NTM: variants seen among roughly 807,000 people sequenced by gnomAD.
NTM encodes the protein neurotrimin, also known as IgLON family member 2.
Under a neutral mutation model 42.1 loss-of-function variants are expected in NTM, and 13 were observed. That is an observed-to-expected ratio of 0.31 (90% CI 0.20 to 0.49). The LOEUF (loss-of-function observed/expected upper bound fraction) is 0.49. Ranked by LOEUF, NTM falls within the 20% of genes least tolerant of loss-of-function variation. The probability of loss-of-function intolerance (pLI) is 0.99; values close to 1 mark genes in which losing one functional copy is unlikely to be tolerated. For synonymous variants in NTM, 187 were observed against 179.2 expected, an observed-to-expected ratio of 1.04 and a Z score of -0.35; for missense variants, 373 against 452.8, an observed-to-expected ratio of 0.82 and a Z score of 1.60.
rs2093878453 is a variant in NTM, at chr11:132,279,444, G to T, written c.527-28245G>T. 2.0e-5 allele frequency among the ~76,000 whole-genome samples: 3 copies of T among 152,134 alleles called. No homozygotes were observed. The South Asian group carries it at 6.2e-4, about 32-fold the overall frequency. On this transcript the variant is annotated intron_variant, in intron 4 of 8. Coordinates refer to ENST00000683400, the MANE Select transcript of NTM (RefSeq NM_001352005.2). ...GCAGATGATCATCCAAGATTCTCAG[G>T]AGTATCCTACAGTCCTTTTGCTTGT...
chr11:131,493,997 G>A (rs1334725540), intron 1 of NTM, among the ~76,000 whole-genome samples: 1 of 152,008 alleles, frequency 6.6e-6, no homozygotes, highest in East Asian at 1.9e-4. Context: ...CTAAATATCT[G>A]TCATTCAGCA....
chr11:131,592,933 A>T (rs959228151), intron 1 of NTM, among the ~76,000 whole-genome samples: 1 of 152,112 alleles, frequency 6.6e-6, no homozygotes, highest in Non-Finnish European at 1.5e-5. Flanking sequence ...TGGCAGCTGG[A>T]ATTGCAGTTC....
chr11:132,128,257 TA>T (rs1812539606), intron 2 of NTM, among the ~76,000 whole-genome samples: 3 of 152,066 alleles, frequency 2.0e-5, no homozygotes, highest in Admixed American at 6.5e-5. Context: ...TTTACATTGA[TA>T]AACATGTTTG....
chr11:131,766,853 C>T (rs1231702271), intron 1 of NTM, among the ~76,000 whole-genome samples: 4 of 152,238 alleles, frequency 2.6e-5, no homozygotes, highest in South Asian at 2.1e-4. Context: ...TAACGGGGCC[C>T]GTAAATATTC....
chr11:131,797,317 T>C (rs1046448071), intron 1 of NTM, among the ~76,000 whole-genome samples: 2 of 152,136 alleles, frequency 1.3e-5, no homozygotes, highest in Non-Finnish European at 2.9e-5. Flanking sequence ...GAACATTTGC[T>C]CTAGGTGGGA....
At chr11:131,990,423 A>C (rs571829483) in intron 2 of NTM, among the ~76,000 whole-genome samples, 2 of 152,244 alleles carry the variant, frequency 1.3e-5, no homozygotes, top group African/African-American at 4.8e-5. Context: ...TGAACGTTCA[A>C]GGTAGTTCTC....
chr11:131,615,624 C>T (rs1239234340), intron 1 of NTM, among the ~76,000 whole-genome samples: 1 of 152,180 alleles, frequency 6.6e-6, no homozygotes, highest in African/African-American at 2.4e-5. Flanking sequence ...CCCTCCTCAG[C>T]CTCCCGAAGT....
intron 1 of NTM, among the ~76,000 whole-genome samples, chr11:131,771,944 C>T (rs2086169124): frequency 6.6e-6 from 1 of 152,134 alleles, no homozygotes; most frequent in Non-Finnish European, 1.5e-5. Context: ...GGATTTTTTC[C>T]CCTTCCTTTT....
chr11:131,873,565 A>G lies in NTM; in HGVS notation c.83-37999A>G, dbSNP rs71483693. Among the ~76,000 whole-genome samples, 36 of 48,602 alleles carry G rather than the reference A, an allele frequency of 7.4e-4. 2 individuals carry two copies. The highest frequency in any genetic ancestry group is 1.6e-3 in the African/African-American group (28 of 17,966). 31.9% of individuals were successfully genotyped at this position (48,602 alleles called of 152,430 possible). On this transcript the variant is annotated intron_variant, in intron 1 of 8. Transcript: ENST00000683400. ...ATATATATACATATATATATACCGT[A>G]TATATATACATATATATATACCGTA...
intron 1 of NTM, chr11:131,535,404 G>A (rs981065976): frequency 6.6e-6 from 1 of 152,172 alleles, no homozygotes; most frequent in African/African-American, 2.4e-5. Context: ...GACATTAGGG[G>A]CTATGGGAAG....
chr11:131,460,900 G>A (rs1215678724), intron 1 of NTM, among the ~76,000 whole-genome samples: 1 of 152,204 alleles, frequency 6.6e-6, no homozygotes, highest in African/African-American at 2.4e-5. Context: ...CCTTGGCTGA[G>A]CAACAGTGTT....
At chr11:131,703,539 G>T (rs1268977747) in intron 1 of NTM, among the ~76,000 whole-genome samples, 1 of 152,200 alleles carries the variant, frequency 6.6e-6, no homozygotes, top group African/African-American at 2.4e-5. Context: ...TTTAAAAACA[G>T]TTATGTCAAC....
At chr11:132,117,118 T>C (rs1051082028) in intron 2 of NTM, among the ~76,000 whole-genome samples, 3 of 152,242 alleles carry the variant, frequency 2.0e-5, no homozygotes, top group African/African-American at 4.8e-5. Context: ...GGAAAATTTC[T>C]ATTAGAAATC....
At chr11:131,951,812 A>G (rs1305165356) in intron 2 of NTM, among the ~76,000 whole-genome samples, 2 of 109,864 alleles carry the variant, frequency 1.8e-5, no homozygotes, top group African/African-American at 7.7e-5. Context: ...ACAGAGCAAG[A>G]CTCCGTCTCA....
intron 1 of NTM, among the ~76,000 whole-genome samples, chr11:131,374,985 T>G (rs552810244): frequency 6.6e-6 from 1 of 152,310 alleles, no homozygotes; most frequent in East Asian, 1.9e-4. Context: ...ACTAGAATGC[T>G]AAAGATTAAC....
In NTM at chr11:131,777,053, T is replaced by A. The variant is rs1221453295; in HGVS notation, c.83-134511T>A. ...ATCATGAATTTTGGGTGGCAGAAAG[T>A]TGCTTCTGCCATACATAGAAAAGGT... is the stretch of plus-strand genomic sequence containing the variant. On this transcript the variant is annotated intron_variant, in intron 1 of 8. Coordinates refer to ENST00000683400, the MANE Select transcript of NTM (RefSeq NM_001352005.2). The A allele has an allele frequency of 3.3e-6, 3 of 920,722 alleles. No homozygotes were observed. The African/African-American group carries it at 5.4e-5, about 17-fold the overall frequency. 57.0% of individuals were successfully genotyped at this position (920,722 alleles called of 1,614,324 possible).
At chr11:131,939,153 G>A (rs190501405) in intron 2 of NTM, among the ~76,000 whole-genome samples, 8 of 152,194 alleles carry the variant, frequency 5.3e-5, no homozygotes, top group Admixed American at 1.3e-4. Flanking sequence ...ATGGCGGATC[G>A]GAGTCCTGAG....
chr11:131,990,212 T>C lies in NTM; in HGVS notation c.167+78564T>C, dbSNP rs75386689. ...GCTGATAAATGGAAAATTCTAGATT[T>C]GAACTGAAATCTAAATCTGACTTTC... On this transcript the variant is annotated intron_variant, in intron 2 of 8. Transcript: ENST00000683400. Among the ~76,000 whole-genome samples, 637 of 152,258 alleles carry C rather than the reference T, an allele frequency of 4.2e-3. 2 individuals carry two copies. Among genetic ancestry groups the C allele is most frequent in the African/African-American group, 0.015 (609 of 41,568 alleles).
At chr11:131,654,742 C>T (rs1209175341) in intron 1 of NTM, among the ~76,000 whole-genome samples, 2 of 152,070 alleles carry the variant, frequency 1.3e-5, no homozygotes, top group African/African-American at 2.4e-5. Context: ...TGCTCTTGTT[C>T]CCTCTCTCAC....
Sources: allele counts gnomAD v4.1 joint callset (sites outside exome capture counted in the v4.1 genomes callset), GRCh38; gene constraint gnomAD v4.1.1; transcripts MANE v1.5; gene names NCBI Gene and HGNC (gene_info 2026-07-23, HGNC 2026-07-21).